MITF: variants seen among roughly 807,000 people sequenced by gnomAD.
The protein encoded by MITF is melanocyte inducing transcription factor, also known as microphthalmia-associated transcription factor.
A neutral mutation model predicts 60.5 loss-of-function variants in MITF; 17 were observed. The ratio of observed to expected loss-of-function variants is 0.28; its 90% CI spans 0.19 to 0.42. The LOEUF (loss-of-function observed/expected upper bound fraction) is 0.42, where lower values mean the gene tolerates loss of function less well. Ranked by LOEUF, MITF falls within the 10% of genes least tolerant of loss-of-function variation. The pLI is 1.00. For synonymous variants in MITF, 260 were observed against 248.5 expected (o/e 1.05, Z -0.43); for missense variants, 622 against 683.5 (o/e 0.91, Z 1.00).
chr3:69,820,862 T>C (rs575643834), intron 1 of MITF, among the ~76,000 whole-genome samples: 3 of 152,288 alleles, frequency 2.0e-5, no homozygotes, highest in African/African-American at 4.8e-5. Flanking sequence ...GAATGTGTGT[T>C]ATTATAGGCC....
intron 6 of MITF, among the ~76,000 whole-genome samples, chr3:69,949,807 C>T (rs1465740831): frequency 6.6e-6 from 1 of 152,074 alleles, no homozygotes; most frequent in Non-Finnish European, 1.5e-5. Flanking sequence ...TAAAACATGG[C>T]GGAAACTATA....
chr3:69,764,031 A>G, intron 1 of MITF: 1 of 1,074,810 alleles, frequency 9.3e-7, no homozygotes, highest in Non-Finnish European at 1.2e-6. Flanking sequence ...ATCGTATGAA[A>G]TCTTTGGTTC....
intron 1 of MITF, among the ~76,000 whole-genome samples, chr3:69,794,127 A>G (rs1011670572): frequency 5.3e-5 from 8 of 152,022 alleles, no homozygotes; most frequent in African/African-American, 1.9e-4. Flanking sequence ...GTCTCCCCCA[A>G]CTTCTGGCCT....
intron 2 of MITF, among the ~76,000 whole-genome samples, chr3:69,903,108 G>T (rs1055984962): frequency 2.6e-5 from 4 of 152,134 alleles, no homozygotes; most frequent in Admixed American, 6.5e-5. Context: ...AAACCATAGA[G>T]ATGAAAATGC....
At chr3:69,769,471 C>CAT (rs2062358159) in intron 1 of MITF, 1 of 150,702 alleles carries the variant, frequency 6.6e-6, no homozygotes, top group Admixed American at 6.6e-5. Context: ...TATGTGATTT[C>CAT]TTTTTTTTTC....
intron 1 of MITF, among the ~76,000 whole-genome samples, chr3:69,741,671 C>CT (rs1407786971): frequency 6.6e-6 from 1 of 152,046 alleles, no homozygotes; most frequent in African/African-American, 2.4e-5. Context: ...GAAAGGAAGG[C>CT]TAAATTAAAA....
chr3:69,745,756 G>A (rs1347027112), intron 1 of MITF, among the ~76,000 whole-genome samples: 1 of 152,118 alleles, frequency 6.6e-6, no homozygotes, highest in Non-Finnish European at 1.5e-5. Context: ...TCGCTGCTTT[G>A]CCACTTAACC....
At chr3:69,806,648 A>C (rs1234611915) in intron 1 of MITF, among the ~76,000 whole-genome samples, 3 of 152,144 alleles carry the variant, frequency 2.0e-5, no homozygotes, top group Admixed American at 6.5e-5. Flanking sequence ...CTTAATTTTT[A>C]GGTTGGGTTT....
At chr3:69,880,742 A>G (rs758699220) in intron 2 of MITF, among the ~76,000 whole-genome samples, 32 of 152,040 alleles carry the variant, frequency 2.1e-4, no homozygotes, top group Non-Finnish European at 2.4e-4. Context: ...TGCAGGGGTG[A>G]TAATCATTGT....
chr3:69,909,211 A>G (rs1427696130), intron 2 of MITF, among the ~76,000 whole-genome samples: 2 of 152,112 alleles, frequency 1.3e-5, no homozygotes, highest in Non-Finnish European at 1.5e-5. Context: ...TGATGGGTTT[A>G]TCAGGGGTTT....
chr3:69,903,652 A>G (rs552168668), intron 2 of MITF, among the ~76,000 whole-genome samples: 8 of 152,186 alleles, frequency 5.3e-5, no homozygotes, highest in Admixed American at 2.0e-4. Context: ...AAAAAAAAAT[A>G]TCAGCAAGAG....
chr3:69,793,560 A>G (rs2062780468), intron 1 of MITF, among the ~76,000 whole-genome samples: 1 of 100,536 alleles, frequency 9.9e-6, no homozygotes, highest in Non-Finnish European at 2.4e-5. Context: ...TCAAGTTATG[A>G]TGACCAAAAA....
intron 1 of MITF, among the ~76,000 whole-genome samples, chr3:69,749,104 A>T (rs1049375771): frequency 6.6e-6 from 1 of 152,188 alleles, no homozygotes; most frequent in Non-Finnish European, 1.5e-5. Context: ...GAAATCCTAA[A>T]GATGATTTCC....
Position 69,965,316 on chromosome 3 carries a change from C to A in MITF, c.*68C>A. 1 of 1,546,026 alleles carries A rather than the reference C, an allele frequency of 6.5e-7. No individual in the cohort carries two copies. Among genetic ancestry groups the A allele is most frequent in the Non-Finnish European group, 8.9e-7 (1 of 1,126,702 alleles). The stretch of plus-strand genomic sequence containing the variant: ...TTGATTCGTAGATTTAATAACTTAC[C>A]TGAAGGGGTTTTCTTGATAATTTTC... On this transcript the variant is annotated 3_prime_UTR_variant, in exon 10 of 10. Transcript: ENST00000352241.
chr3:69,750,923 A>G (rs1259567406), intron 1 of MITF, among the ~76,000 whole-genome samples: 1 of 152,098 alleles, frequency 6.6e-6, no homozygotes, highest in Admixed American at 6.5e-5. Flanking sequence ...AAATGAATTT[A>G]TTGGTTAAAT....
intron 1 of MITF, among the ~76,000 whole-genome samples, chr3:69,779,973 T>C (rs1212249821): frequency 6.6e-6 from 1 of 152,128 alleles, no homozygotes; most frequent in East Asian, 1.9e-4. Flanking sequence ...GCTCTTGCAA[T>C]AATCTGAGAG....
At chr3:69,938,717 T>A in intron 3 of MITF, 1 of 1,304,300 alleles carries the variant, frequency 7.7e-7, no homozygotes, top group East Asian at 3.2e-5. Flanking sequence ...ACCTGAGAGC[T>A]GTGATTTAAT....
At chr3:69,893,047 C>T (rs2064794417) in intron 2 of MITF, among the ~76,000 whole-genome samples, 1 of 152,166 alleles carries the variant, frequency 6.6e-6, no homozygotes, top group African/African-American at 2.4e-5. Context: ...GCACGTCCAG[C>T]ACGATGACCA....
chr3:69,763,165 C>T (rs1456274609), intron 1 of MITF, among the ~76,000 whole-genome samples: 1 of 152,026 alleles, frequency 6.6e-6, no homozygotes, highest in Admixed American at 6.6e-5. Context: ...TCTTCTTTTC[C>T]AATATGATAT....
Sources: allele counts gnomAD v4.1 joint callset (sites outside exome capture counted in the v4.1 genomes callset), GRCh38; gene constraint gnomAD v4.1.1; transcripts MANE v1.5; gene names NCBI Gene and HGNC (gene_info 2026-07-23, HGNC 2026-07-21).